SOX6: variants seen among roughly 807,000 people sequenced by gnomAD.
The protein encoded by SOX6 is SRY-box transcription factor 6.
In SOX6, 11 loss-of-function variants were observed where a neutral mutation model predicts 97.8. The ratio of observed to expected loss-of-function variants is 0.11; its 90% CI spans 0.07 to 0.19. The LOEUF (loss-of-function observed/expected upper bound fraction) is 0.19. Ranked by LOEUF, SOX6 falls within the 10% of genes least tolerant of loss-of-function variation. The probability of loss-of-function intolerance (pLI) is 1.00; values close to 1 mark genes in which losing one functional copy is unlikely to be tolerated. For synonymous variants in SOX6, 360 were observed against 371.4 expected (o/e 0.97, Z 0.35); for missense variants, 810 against 1,039.5 (o/e 0.78, Z 3.04).
intron 2 of SOX6, among the ~76,000 whole-genome samples, chr11:16,329,875 T>A (rs1367857957): frequency 6.6e-6 from 1 of 152,188 alleles, no homozygotes; most frequent in East Asian, 1.9e-4. Flanking sequence ...TACAGAAATA[T>A]GAAACACGTT....
intron 4 of SOX6, among the ~76,000 whole-genome samples, chr11:16,210,267 A>T (rs1259838337): frequency 6.6e-6 from 1 of 152,222 alleles, no homozygotes; most frequent in African/African-American, 2.4e-5. Context: ...GGTGAATAAA[A>T]TGTGGCATAT....
At chr11:16,529,924 G>T (rs1055523068) in intron 4 of SOX6, among the ~76,000 whole-genome samples, 1 of 152,002 alleles carries the variant, frequency 6.6e-6, no homozygotes, top group Non-Finnish European at 1.5e-5. Flanking sequence ...TTGCTTATAT[G>T]TGTGGGTGGA....
At chr11:16,137,007 A>G (rs1849983827) in intron 6 of SOX6, among the ~76,000 whole-genome samples, 1 of 152,230 alleles carries the variant, frequency 6.6e-6, no homozygotes, top group Admixed American at 6.5e-5. Flanking sequence ...TACACTGTCT[A>G]AGAAAAACTC....
At chr11:16,333,246 T>C (rs1590133240) in intron 2 of SOX6, among the ~76,000 whole-genome samples, 1 of 152,328 alleles carries the variant, frequency 6.6e-6, no homozygotes, top group East Asian at 1.9e-4. Context: ...CCTGCTGATC[T>C]AGAAGGACTT....
At chr11:16,335,132 G>T (rs1370013803) in intron 2 of SOX6, among the ~76,000 whole-genome samples, 2 of 152,092 alleles carry the variant, frequency 1.3e-5, no homozygotes, top group African/African-American at 4.8e-5. Context: ...TCTGAAACAG[G>T]TTGAAAAAGA....
intron 4 of SOX6, among the ~76,000 whole-genome samples, chr11:16,584,296 T>C (rs1385667016): frequency 6.6e-6 from 1 of 152,148 alleles, no homozygotes; most frequent in African/African-American, 2.4e-5. Context: ...AGTTCCATAA[T>C]GCAAAGACTA....
intron 1 of SOX6, chr11:16,402,739 AG>A: frequency 1.9e-6 from 3 of 1,609,912 alleles, no homozygotes; most frequent in African/African-American, 1.3e-5. Context: ...CACCTGACTT[AG>A]GGGCTGGCTA....
At chr11:16,093,151 G>T (rs1442082269) in intron 9 of SOX6, among the ~76,000 whole-genome samples, 2 of 151,994 alleles carry the variant, frequency 1.3e-5, no homozygotes, top group East Asian at 3.9e-4. Context: ...TAACCTTAGA[G>T]TTACAGTTTC....
At chr11:16,586,292 G>A (rs1427658582) in intron 4 of SOX6, among the ~76,000 whole-genome samples, 3 of 151,940 alleles carry the variant, frequency 2.0e-5, no homozygotes, top group African/African-American at 7.2e-5. Flanking sequence ...AATTCAGAAA[G>A]AAGTTTAGAG....
At chr11:16,156,309 C>T (rs1000715163) in intron 6 of SOX6, among the ~76,000 whole-genome samples, 3 of 151,974 alleles carry the variant, frequency 2.0e-5, no homozygotes, top group African/African-American at 7.2e-5. Flanking sequence ...ACTGCCTCTC[C>T]TTCTTAATCT....
At chr11:16,654,649 T>A (rs1216235055) in intron 3 of SOX6, among the ~76,000 whole-genome samples, 1 of 152,142 alleles carries the variant, frequency 6.6e-6, no homozygotes, top group Non-Finnish European at 1.5e-5. Context: ...CTGATATATA[T>A]CCATAATAAT....
intron 6 of SOX6, among the ~76,000 whole-genome samples, chr11:16,117,551 T>C (rs1293497491): frequency 6.6e-6 from 1 of 152,120 alleles, no homozygotes; most frequent in African/African-American, 2.4e-5. Context: ...TACTAAAAGA[T>C]TGTCGGTTGA....
chr11:16,616,639 T>C (rs542398111), intron 3 of SOX6, among the ~76,000 whole-genome samples: 52 of 152,072 alleles, frequency 3.4e-4, no homozygotes, highest in Non-Finnish European at 6.3e-4. Context: ...ATAATAGATA[T>C]TAATTCAAAA....
chr11:16,415,564 A>C lies in SOX6; in HGVS notation c.-5+60751T>G, dbSNP rs184742240. On this transcript the variant is annotated intron_variant, in intron 1 of 15. Transcript: ENST00000396356. ...GTAGCTAGAAGACAGCATGATTTTGAATGTTCTCAAAACAAAAATGATAAA... is the reference window on the plus strand; with the variant it reads ...GTAGCTAGAAGACAGCATGATTTTGCATGTTCTCAAAACAAAAATGATAAA... 5.9e-5 allele frequency among the ~76,000 whole-genome samples: 9 copies of C among 152,296 alleles called. No homozygotes were observed. The East Asian group carries it at 1.7e-3, about 29-fold the overall frequency.
chr11:16,567,074 G>T (rs1847880034), intron 4 of SOX6, among the ~76,000 whole-genome samples: 2 of 152,130 alleles, frequency 1.3e-5, no homozygotes, highest in African/African-American at 4.8e-5. Flanking sequence ...CTTCTTGAGT[G>T]CCAACTTGGC....
intron 12 of SOX6, among the ~76,000 whole-genome samples, chr11:16,033,457 T>G (rs1855436791): frequency 6.6e-6 from 1 of 152,190 alleles, no homozygotes; most frequent in Non-Finnish European, 1.5e-5. Flanking sequence ...CTCCTGTTCT[T>G]TATTTCATTC....
chr11:16,116,337 T>C (rs1370948166), intron 6 of SOX6, among the ~76,000 whole-genome samples: 1 of 152,130 alleles, frequency 6.6e-6, no homozygotes, highest in Admixed American at 6.5e-5. Flanking sequence ...ACTTATTTAA[T>C]GAGAAAAACA....
intron 12 of SOX6, among the ~76,000 whole-genome samples, chr11:16,022,263 C>A (rs1396182918): frequency 1.3e-5 from 2 of 152,002 alleles, no homozygotes; most frequent in East Asian, 1.9e-4. Flanking sequence ...TATCCTTTCT[C>A]CTGTATCAAC....
At chr11:16,339,216 T>C (rs1250578102) in intron 2 of SOX6, among the ~76,000 whole-genome samples, 3 of 152,038 alleles carry the variant, frequency 2.0e-5, no homozygotes, top group Non-Finnish European at 4.4e-5. Context: ...CTTTATCTGT[T>C]TGAAATGTTT....
Sources: gnomAD v4.1 joint callset for allele counts (sites outside exome capture counted in the v4.1 genomes callset) on GRCh38, gnomAD v4.1.1 for gene constraint, MANE v1.5 for transcripts, NCBI Gene and HGNC (gene_info 2026-07-23, HGNC 2026-07-21) for gene names.